Variants in TOM1L2 observed in about 807,000 individuals in gnomAD.
TOM1L2 encodes target of myb1 like 2 membrane trafficking protein.
Under a neutral mutation model 67.9 loss-of-function variants are expected in TOM1L2, and 31 were observed. The ratio of observed to expected loss-of-function variants is 0.46; its 90% confidence interval spans 0.34 to 0.62. TOM1L2 has a LOEUF of 0.62. Ranked by LOEUF, TOM1L2 falls within the 20% of genes least tolerant of loss-of-function variation. The pLI is 0.01. For missense variants in TOM1L2, 606 were observed against 663.5 expected (o/e 0.91, Z 0.95); for synonymous variants, 256 against 254.0 (o/e 1.01, Z -0.07).
intron 1 of TOM1L2, among the ~76,000 whole-genome samples, chr17:17,941,995 G>A (rs187145330): frequency 1.2e-4 from 19 of 152,284 alleles, no homozygotes; most frequent in African/African-American, 2.2e-4. Flanking sequence ...CCACAAAAAC[G>A]TAGCACAAAA....
At chr17:17,904,973 T>C (rs1056942155) in intron 2 of TOM1L2, among the ~76,000 whole-genome samples, 2 of 152,056 alleles carry the variant, frequency 1.3e-5, no homozygotes, top group African/African-American at 2.4e-5. Context: ...AACATTCACC[T>C]TGGCATCCCG....
At chr17:17,880,024 T>C (rs898613436) in intron 6 of TOM1L2, among the ~76,000 whole-genome samples, 3 of 151,934 alleles carry the variant, frequency 2.0e-5, no homozygotes, top group African/African-American at 7.3e-5. Context: ...GTGTCAGGAG[T>C]GCACCAAGCT....
At chr17:17,885,688 G>T (rs2037958074) in intron 4 of TOM1L2, among the ~76,000 whole-genome samples, 1 of 152,044 alleles carries the variant, frequency 6.6e-6, no homozygotes, top group Non-Finnish European at 1.5e-5. Context: ...ACTTTGAGAG[G>T]CCGAGGCGGA....
intron 2 of TOM1L2, among the ~76,000 whole-genome samples, chr17:17,902,872 A>G (rs1323942508): frequency 6.6e-6 from 1 of 152,228 alleles, no homozygotes; most frequent in African/African-American, 2.4e-5. Context: ...TAACAACCCT[A>G]TGAGATAGGT....
intron 1 of TOM1L2, among the ~76,000 whole-genome samples, chr17:17,955,368 C>T (rs1029030138): frequency 8.1e-6 from 1 of 123,488 alleles, no homozygotes; most frequent in East Asian, 2.6e-4. Flanking sequence ...AGACAAGAGA[C>T]TTGCTCTGTC....
intron 2 of TOM1L2, among the ~76,000 whole-genome samples, chr17:17,901,263 G>A (rs1292571211): frequency 6.6e-6 from 1 of 152,204 alleles, no homozygotes. Context: ...AGATTAGATA[G>A]TGTGGAGTTG....
intron 1 of TOM1L2, among the ~76,000 whole-genome samples, chr17:17,938,492 G>A (rs772255966): frequency 1.3e-5 from 2 of 152,274 alleles, no homozygotes; most frequent in Non-Finnish European, 2.9e-5. Flanking sequence ...ACCAGGAGAG[G>A]CACTGGGGAG....
At chr17:17,954,591 G>C (rs970495978) in intron 1 of TOM1L2, among the ~76,000 whole-genome samples, 5 of 152,190 alleles carry the variant, frequency 3.3e-5, no homozygotes, top group African/African-American at 1.2e-4. Context: ...GGGATTACAA[G>C]TGTGAGCCAC....
intron 1 of TOM1L2, among the ~76,000 whole-genome samples, chr17:17,946,560 G>C (rs183158250): frequency 1.3e-5 from 2 of 151,880 alleles, no homozygotes; most frequent in South Asian, 4.2e-4. Context: ...TTCCCATCTC[G>C]ATTCTGATAT....
At chr17:17,898,568 T>G in intron 3 of TOM1L2, 28 bp downstream of exon 3, 1 of 1,612,986 alleles carries the variant, frequency 6.2e-7, no homozygotes, top group Middle Eastern at 1.7e-4. Context: ...CCCAGATGAC[T>G]TCTCTCCTCA....
chr17:17,955,681 C>T (rs572798543), intron 1 of TOM1L2, among the ~76,000 whole-genome samples: 1 of 152,298 alleles, frequency 6.6e-6, no homozygotes, highest in Admixed American at 6.5e-5. Flanking sequence ...TGCTCTGCCA[C>T]CCAGGCTAGA....
rs551229094 is a variant in TOM1L2 at position 17,855,403 on chromosome 17, C to T, written c.1279-4451G>A. Reference sequence around the variant, plus strand: ...CTCTGTTCTTGTTTTGACTTAGATTCTCTCACATGAGGATATTTTCCTGGC... The same window carrying T: ...CTCTGTTCTTGTTTTGACTTAGATTTTCTCACATGAGGATATTTTCCTGGC... On this transcript the variant is annotated intron_variant, in intron 12 of 14. Coordinates refer to ENST00000379504, the MANE Select transcript of TOM1L2 (RefSeq NM_001082968.2). Among the ~76,000 whole-genome samples, 43 of 152,290 alleles carry T rather than the reference C, an allele frequency of 2.8e-4. No homozygotes were observed. The South Asian group carries it at 8.9e-3, about 32-fold the overall frequency.
At chr17:17,857,836 T>C in intron 12 of TOM1L2, 1 of 1,535,612 alleles carries the variant, frequency 6.5e-7, no homozygotes, top group Non-Finnish European at 8.7e-7. Context: ...ACCTCTCTTC[T>C]GGGCCGAGGA....
At chr17:17,857,397 A>G (rs1322464219) in intron 12 of TOM1L2, among the ~76,000 whole-genome samples, 1 of 152,202 alleles carries the variant, frequency 6.6e-6, no homozygotes, top group Non-Finnish European at 1.5e-5. Flanking sequence ...AGATGCTTTG[A>G]GTCTGTTCCC....
chr17:17,867,007 A>T, intron 8 of TOM1L2, 83 bp from the exon 9 acceptor site: 1 of 1,352,364 alleles, frequency 7.4e-7, no homozygotes, highest in Non-Finnish European at 1.1e-6. Context: ...TCCTATGAAG[A>T]ATCCCTGGGA....
In TOM1L2 at chr17:17,845,032, C is replaced by G. The variant is rs1294081542; in HGVS notation, c.*2603G>C. The stretch of plus-strand genomic sequence containing the variant: ...CCAGGCAGCCTAAGGACTGTGCTCC[C>G]CAGATGGTGGGGTCTGGGAGCAGAG... On this transcript the variant is annotated 3_prime_UTR_variant, in exon 15 of 15. Coordinates refer to ENST00000379504, the MANE Select transcript of TOM1L2 (RefSeq NM_001082968.2). 1 of 152,450 alleles carries G rather than the reference C, an allele frequency of 6.6e-6. No individual in the cohort carries two copies. Among genetic ancestry groups the G allele is most frequent in the Non-Finnish European group, 1.5e-5 (1 of 68,058 alleles). The allele number at this position is 152,450 out of a possible 1,614,324, so 9.4% of individuals were successfully genotyped here.
At position 17,864,500 on chromosome 17, in the gene TOM1L2, G is replaced by A. The variant is rs371455911; in HGVS notation, c.1085-1652C>T. ...GCTGGGATTACAGGCGTTAGCCACC[G>A]CACCCGGCTTTTTTTTTTTTTTCTT... is the stretch of plus-strand genomic sequence containing the variant. On this transcript the variant is annotated intron_variant, in intron 10 of 14. Coordinates refer to ENST00000379504, the MANE Select transcript of TOM1L2 (RefSeq NM_001082968.2). Among the ~76,000 whole-genome samples, 5 of 150,102 alleles carry A rather than the reference G, an allele frequency of 3.3e-5. No individual in the cohort carries two copies. The East Asian group carries it at 7.8e-4, about 23-fold the overall frequency.
chr17:17,901,045 T>C (rs779517398), intron 2 of TOM1L2, among the ~76,000 whole-genome samples: 1 of 151,890 alleles, frequency 6.6e-6, no homozygotes. Flanking sequence ...TCTCCTGGTG[T>C]GGGGGCCACG....
intron 1 of TOM1L2, among the ~76,000 whole-genome samples, chr17:17,915,471 C>G (rs2039587081): frequency 6.6e-6 from 1 of 152,042 alleles, no homozygotes; most frequent in South Asian, 2.1e-4. Flanking sequence ...ATTTGTATAT[C>G]TTCTTTGGAG....
Sources: gnomAD v4.1 joint callset for allele counts (sites outside exome capture counted in the v4.1 genomes callset) on GRCh38, gnomAD v4.1.1 for gene constraint, MANE v1.5 for transcripts, NCBI Gene and HGNC (gene_info 2026-07-23, HGNC 2026-07-21) for gene names.